Variants in SLC23A2 observed in about 807,000 individuals in gnomAD.
SLC23A2 encodes solute carrier family 23 member 2.
SLC23A2 carries 36 observed loss-of-function variants against 73.3 expected under a neutral mutation model. That is an observed-to-expected ratio of 0.49 (90% CI 0.38 to 0.65). The LOEUF is 0.65. Ranked by LOEUF, SLC23A2 falls within the 30% of genes least tolerant of loss-of-function variation. The pLI, the probability that SLC23A2 is intolerant of heterozygous loss-of-function variation, is 0.00. For synonymous variants in SLC23A2, 343 were observed against 327.3 expected (o/e 1.05, Z -0.52); for missense variants, 507 against 841.6 (o/e 0.60, Z 4.92).
At chr20:4,961,261 T>C (rs542695637) in intron 2 of SLC23A2, among the ~76,000 whole-genome samples, 1 of 152,224 alleles carries the variant, frequency 6.6e-6, no homozygotes, top group East Asian at 1.9e-4. Flanking sequence ...TTTTGTATTT[T>C]TAGTAGAGAC....
intron 1 of SLC23A2, among the ~76,000 whole-genome samples, chr20:4,991,876 A>G (rs1328702499): frequency 2.0e-5 from 3 of 152,198 alleles, no homozygotes; most frequent in African/African-American, 7.2e-5. Context: ...AAATTAACTT[A>G]TGCATTTAAT....
At chr20:4,870,438 G>A (rs1162834012) in intron 11 of SLC23A2, among the ~76,000 whole-genome samples, 3 of 152,084 alleles carry the variant, frequency 2.0e-5, no homozygotes, top group Admixed American at 6.6e-5. Flanking sequence ...TTAGCCAGGC[G>A]TGGGGGCATG....
intron 1 of SLC23A2, among the ~76,000 whole-genome samples, chr20:4,985,173 CAT>C (rs966343918): frequency 2.7e-5 from 4 of 150,716 alleles, no homozygotes; most frequent in African/African-American, 9.8e-5. Context: ...ATGGAATTAC[CAT>C]ATGATCCAGT....
intron 1 of SLC23A2, among the ~76,000 whole-genome samples, chr20:4,988,135 C>A (rs905215181): frequency 6.7e-6 from 1 of 148,750 alleles, no homozygotes; most frequent in African/African-American, 2.5e-5. Flanking sequence ...CCTGTCTCTA[C>A]TAAAAATACA....
intron 4 of SLC23A2, among the ~76,000 whole-genome samples, chr20:4,908,135 A>C (rs1270648323): frequency 6.6e-6 from 1 of 152,254 alleles, no homozygotes; most frequent in African/African-American, 2.4e-5. Context: ...CAAATCAGAA[A>C]CCAAAAGAAT....
intron 1 of SLC23A2, among the ~76,000 whole-genome samples, chr20:4,999,090 C>A (rs997067533): frequency 6.6e-6 from 1 of 152,180 alleles, no homozygotes; most frequent in African/African-American, 2.4e-5. Flanking sequence ...CAGGCATGAG[C>A]CACCATGCCC....
chr20:4,965,714 C>T (rs1334510500), intron 2 of SLC23A2, among the ~76,000 whole-genome samples: 1 of 152,094 alleles, frequency 6.6e-6, no homozygotes, highest in Non-Finnish European at 1.5e-5. Context: ...AGCCTGTAAT[C>T]CCAGCACTTT....
intron 13 of SLC23A2, among the ~76,000 whole-genome samples, chr20:4,864,012 CCCCTGGG>C (rs1376799989): frequency 6.6e-6 from 1 of 152,174 alleles, no homozygotes; most frequent in East Asian, 1.9e-4. Context: ...CCCTGCCTAT[CCCCTGGG>C]TTCCCGGCAC....
chr20:4,965,864 G>C lies in SLC23A2; in HGVS notation c.-155+4929C>G, dbSNP rs1239010902. ...CGCCTGTAATTCCAGCTACTCAGGA[G>C]GCTGGGGCAGGAGAATTGCTTGAAC... On this transcript the variant is annotated intron_variant, in intron 2 of 16. Transcript: ENST00000338244. 2.0e-5 allele frequency among the ~76,000 whole-genome samples: 3 copies of C among 151,968 alleles called. No individual in the cohort carries two copies. In the South Asian group the frequency reaches 6.2e-4, roughly 32 times the overall value.
chr20:4,889,590 C>T (rs75726815), intron 6 of SLC23A2, among the ~76,000 whole-genome samples: 2,712 of 151,442 alleles, frequency 0.018, 78 homozygotes, highest in African/African-American at 0.062. Context: ...TTGGCATCCG[C>T]TCACATGACG....
intron 1 of SLC23A2, among the ~76,000 whole-genome samples, chr20:5,006,547 TTTTATTTA>T (rs78731557): frequency 2.0e-4 from 29 of 147,518 alleles, no homozygotes; most frequent in African/African-American, 4.8e-4. Flanking sequence ...GTAAAAGCCA[TTTTATTTA>T]TTTATTTATT....
rs778801186 is a variant in SLC23A2 at position 4,873,904 on chromosome 20, C to A, written c.1102+32G>T. The A allele has an allele frequency of 1.9e-6, 3 of 1,595,884 alleles. No homozygotes were observed. In the Admixed American group the frequency reaches 5.2e-5, roughly 28 times the overall value. ...CCCCTCTCAGTTGGGCCCTCGTGGG[C>A]TCTTGACCCCTCTAGCCATCAGAAT... On this transcript the variant is annotated intron_variant, in intron 11 of 16. Transcript: ENST00000338244.
chr20:5,007,863 T>G (rs1223883453), intron 1 of SLC23A2, among the ~76,000 whole-genome samples: 1 of 152,206 alleles, frequency 6.6e-6, no homozygotes, highest in African/African-American at 2.4e-5. Context: ...TGTGCTTCAA[T>G]ATTTCATTCC....
At chr20:4,896,216 C>A (rs1281970569) in intron 6 of SLC23A2, among the ~76,000 whole-genome samples, 1 of 152,160 alleles carries the variant, frequency 6.6e-6, no homozygotes, top group Non-Finnish European at 1.5e-5. Context: ...TGCCTCAGTG[C>A]CCCTTCGCTG....
chr20:5,003,346 C>T (rs989403424), upstream of SLC23A2, among the ~76,000 whole-genome samples: 11 of 151,846 alleles, frequency 7.2e-5, no homozygotes, highest in South Asian at 2.1e-4. Context: ...ATCGCGCCAC[C>T]GCACTCCAGC....
chr20:5,001,207 G>A (rs2088117599), intron 1 of SLC23A2, among the ~76,000 whole-genome samples, 199 bp downstream of exon 1: 1 of 150,760 alleles, frequency 6.6e-6, no homozygotes, highest in Non-Finnish European at 1.5e-5. Flanking sequence ...CTTGGGCCCC[G>A]GGGCCAGGGT....
upstream of SLC23A2, among the ~76,000 whole-genome samples, chr20:5,005,334 C>A (rs1325154904): frequency 6.6e-6 from 1 of 152,094 alleles, no homozygotes; most frequent in East Asian, 1.9e-4. Flanking sequence ...TTTTCCTCTT[C>A]AGTTGCTTTT....
chr20:4,939,909 G>A (rs1347468127), intron 2 of SLC23A2, among the ~76,000 whole-genome samples: 1 of 152,184 alleles, frequency 6.6e-6, no homozygotes, highest in Admixed American at 6.5e-5. Flanking sequence ...TCTTCGATAG[G>A]AAAGGTACTG....
At chr20:4,870,513 G>A (rs1269615462) in intron 11 of SLC23A2, among the ~76,000 whole-genome samples, 5 of 151,978 alleles carry the variant, frequency 3.3e-5, no homozygotes, top group African/African-American at 1.2e-4. Context: ...GGAGGCGGAG[G>A]TTGCAGTGAG....
Sources: allele counts gnomAD v4.1 joint callset (sites outside exome capture counted in the v4.1 genomes callset), GRCh38; gene constraint gnomAD v4.1.1; transcripts MANE v1.5; gene names NCBI Gene and HGNC (gene_info 2026-07-23, HGNC 2026-07-21).